Variants in TEAD1 observed in about 807,000 individuals in gnomAD.
TEAD1 encodes the protein transcriptional enhancer factor TEF-1.
Under a neutral mutation model 54.9 loss-of-function variants are expected in TEAD1, and 9 were observed. That is an observed-to-expected ratio of 0.16 (90% CI 0.10 to 0.29). The LOEUF is 0.29. Among genes scored for constraint, TEAD1 ranks in the 10% least tolerant of loss-of-function variants. The pLI is 1.00. For missense variants in TEAD1, 387 were observed against 535.9 expected, an observed-to-expected ratio of 0.72 and a Z score of 2.74; for synonymous variants, 200 against 187.8, an observed-to-expected ratio of 1.07 and a Z score of -0.53.
chr11:12,688,392 TCCTGTCTA>T (rs1341979454), intron 2 of TEAD1, among the ~76,000 whole-genome samples: 1 of 152,224 alleles, frequency 6.6e-6, no homozygotes, highest in East Asian at 1.9e-4. Flanking sequence ...AATCTTTTCC[TCCTGTCTA>T]CCTGTTTCTG....
chr11:12,868,123 G>C (rs193249922), intron 5 of TEAD1, among the ~76,000 whole-genome samples: 1 of 152,336 alleles, frequency 6.6e-6, no homozygotes, highest in Non-Finnish European at 1.5e-5. Flanking sequence ...GCCACTGCCA[G>C]ATGTGTCTTC....
Position 12,702,234 on chromosome 11 carries a change from G to C in TEAD1, c.-55+26673G>C, listed in dbSNP as rs563088878. ...TGCCATGGCAGGCTCAGGTGTCAGT[G>C]GTCCTAGGCTGGTATCAGGCCACAG... On this transcript the variant is annotated intron_variant, in intron 2 of 12. Transcript: ENST00000527636. 2.0e-5 allele frequency among the ~76,000 whole-genome samples: 3 copies of C among 152,278 alleles called. 1 individual carries two copies. Among genetic ancestry groups the C allele is most frequent in the African/African-American group, 7.2e-5 (3 of 41,556 alleles).
intron 2 of TEAD1, among the ~76,000 whole-genome samples, chr11:12,700,500 A>G (rs892730215): frequency 6.6e-6 from 1 of 152,240 alleles, no homozygotes; most frequent in African/African-American, 2.4e-5. Flanking sequence ...AAAATTATAA[A>G]TTAAAAAATG....
intron 2 of TEAD1, among the ~76,000 whole-genome samples, chr11:12,685,018 C>T (rs1475378680): frequency 6.6e-6 from 1 of 152,166 alleles, no homozygotes; most frequent in African/African-American, 2.4e-5. Flanking sequence ...TAAGCTGGTC[C>T]TGCTCTGCTC....
intron 2 of TEAD1, among the ~76,000 whole-genome samples, chr11:12,728,392 A>C (rs1944354415): frequency 6.6e-6 from 1 of 152,164 alleles, no homozygotes; most frequent in Admixed American, 6.5e-5. Flanking sequence ...TGGTTTATGT[A>C]CTTCAAAGGT....
Position 12,914,502 on chromosome 11 carries a change from C to T in TEAD1, c.874-10410C>T, listed in dbSNP as rs377745234. Among the ~76,000 whole-genome samples, 4 of 152,304 alleles carry T rather than the reference C, an allele frequency of 2.6e-5. No homozygotes were observed. In the East Asian group the frequency reaches 7.7e-4, roughly 29 times the overall value. On this transcript the variant is annotated intron_variant, in intron 10 of 12. Coordinates refer to ENST00000527636, the MANE Select transcript of TEAD1 (RefSeq NM_021961.6). ...ACACTCAAAGACTCTTTTCTGAGGGCAGCTCGTTCACTCCCCCTACATGCT... is the reference window on the plus strand; with the variant it reads ...ACACTCAAAGACTCTTTTCTGAGGGTAGCTCGTTCACTCCCCCTACATGCT...
chr11:12,901,564 T>G (rs537537315), intron 9 of TEAD1, among the ~76,000 whole-genome samples: 14 of 152,346 alleles, frequency 9.2e-5, no homozygotes, highest in African/African-American at 3.4e-4. Context: ...ATGAGCTAAC[T>G]GCACACAGAT....
chr11:12,908,979 C>A (rs1948572317), intron 10 of TEAD1, among the ~76,000 whole-genome samples: 1 of 148,928 alleles, frequency 6.7e-6, no homozygotes, highest in East Asian at 2.0e-4. Flanking sequence ...AACCATGTTG[C>A]TTTCTAAAAT....
chr11:12,929,101 G>C (rs1391010406), intron 11 of TEAD1, among the ~76,000 whole-genome samples: 1 of 151,508 alleles, frequency 6.6e-6, no homozygotes, highest in Non-Finnish European at 1.5e-5. Flanking sequence ...TTTTGACTCA[G>C]TGTTAGCAAG....
chr11:12,707,538 T>G (rs1280315148), intron 2 of TEAD1, among the ~76,000 whole-genome samples: 2 of 152,242 alleles, frequency 1.3e-5, no homozygotes, highest in African/African-American at 2.4e-5. Flanking sequence ...CTATTTATTC[T>G]TCATGCCTTT....
intron 9 of TEAD1, among the ~76,000 whole-genome samples, chr11:12,900,486 G>A (rs1243915556): frequency 1.3e-5 from 2 of 152,214 alleles, no homozygotes; most frequent in Admixed American, 1.3e-4. Context: ...GATGAAGTCT[G>A]TGGAGTGTCT....
At chr11:12,727,428 G>A (rs547100625) in intron 2 of TEAD1, among the ~76,000 whole-genome samples, 2 of 152,250 alleles carry the variant, frequency 1.3e-5, no homozygotes, top group African/African-American at 2.4e-5. Context: ...TAGGCGCTTC[G>A]CATCTCTGAA....
intron 3 of TEAD1, among the ~76,000 whole-genome samples, chr11:12,788,139 CTTTT>C (rs541990107): frequency 2.3e-5 from 3 of 129,266 alleles, no homozygotes; most frequent in Admixed American, 7.8e-5. Flanking sequence ...CTAATTTTGT[CTTTT>C]TTTTTTTTTT....
At chr11:12,684,436 A>T (rs557321751) in intron 2 of TEAD1, among the ~76,000 whole-genome samples, 1 of 152,374 alleles carries the variant, frequency 6.6e-6, no homozygotes, top group East Asian at 1.9e-4. Flanking sequence ...AATGGAACTC[A>T]TCTTTTCATA....
intron 3 of TEAD1, among the ~76,000 whole-genome samples, chr11:12,827,521 A>G (rs1332127993): frequency 2.0e-5 from 3 of 152,252 alleles, no homozygotes; most frequent in Non-Finnish European, 4.4e-5. Flanking sequence ...TAAGACCCAG[A>G]TAAGTTAATG....
Position 12,922,192 on chromosome 11 carries a change from C to CTTTTTTTTTTTTTTTTTT in TEAD1, c.874-2715_874-2698dup, listed in dbSNP as rs756723520. On this transcript the variant is annotated intron_variant, in intron 10 of 12. Coordinates refer to ENST00000527636, the MANE Select transcript of TEAD1 (RefSeq NM_021961.6). The stretch of plus-strand genomic sequence containing the variant: ...AGGGGAATGTGGAGTACATGGTTCT[C>CTTTTTTTTTTTTTTTTTT]TTTTTTTTTTTTTTTTTTTTTTGAG... Among the ~76,000 whole-genome samples, 9 of 94,502 alleles carry CTTTTTTTTTTTTTTTTTT rather than the reference C, an allele frequency of 9.5e-5. 1 individual carries two copies. Among genetic ancestry groups the CTTTTTTTTTTTTTTTTTT allele is most frequent in the African/African-American group, 3.5e-4 (8 of 23,148 alleles). 62.0% of individuals were successfully genotyped at this position (94,502 alleles called of 152,430 possible).
intron 12 of TEAD1, among the ~76,000 whole-genome samples, chr11:12,932,798 C>T (rs958741169): frequency 7.2e-5 from 11 of 152,184 alleles, no homozygotes; most frequent in Admixed American, 6.5e-4. Flanking sequence ...ATTCACTCGT[C>T]ACTTACTCAG....
chr11:12,859,874 A>C lies in TEAD1; in HGVS notation c.203-2376A>C, dbSNP rs186395324. 2.8e-4 allele frequency among the ~76,000 whole-genome samples: 43 copies of C among 152,344 alleles called. No homozygotes were observed. The East Asian group carries it at 7.3e-3, about 26-fold the overall frequency. Reference sequence around the variant, plus strand: ...CCGTATGAAAAAGACCTAGGAGTTTAAGTTGGCATATATTGATAATTTATT... The same window carrying C: ...CCGTATGAAAAAGACCTAGGAGTTTCAGTTGGCATATATTGATAATTTATT... On this transcript the variant is annotated intron_variant, in intron 3 of 12. Coordinates refer to ENST00000527636, the MANE Select transcript of TEAD1 (RefSeq NM_021961.6).
At chr11:12,914,694 C>G (rs1439660922) in intron 10 of TEAD1, among the ~76,000 whole-genome samples, 1 of 146,902 alleles carries the variant, frequency 6.8e-6, no homozygotes, top group African/African-American at 2.4e-5. Context: ...CAGACCTCCC[C>G]CTTCTCTCTG....
Sources: allele counts gnomAD v4.1 joint callset (sites outside exome capture counted in the v4.1 genomes callset), GRCh38; gene constraint gnomAD v4.1.1; transcripts MANE v1.5; gene names NCBI Gene and HGNC (gene_info 2026-07-23, HGNC 2026-07-21).